Variants in CSMD1 observed in about 807,000 individuals in gnomAD.
CSMD1 encodes CUB and sushi domain-containing protein 1.
In CSMD1, 213 loss-of-function variants were observed where a neutral mutation model predicts 417.5. That is an observed-to-expected ratio of 0.51 (90% CI 0.46 to 0.57). CSMD1 has a LOEUF of 0.57. CSMD1 is among the 20% of genes least tolerant of loss of function. CSMD1 has a pLI of 0.00. For missense variants in CSMD1, 6,923 were observed against 4,529.7 expected (o/e 1.53, Z -15.17); for synonymous variants, 2,862 against 1,736.8 (o/e 1.65, Z -16.11).
chr8:3,010,770 A>G (rs1368030817), intron 52 of CSMD1, among the ~76,000 whole-genome samples: 3 of 148,688 alleles, frequency 2.0e-5, no homozygotes, highest in Non-Finnish European at 4.5e-5. Flanking sequence ...TTGAGATGAA[A>G]TTTTGCTCTG....
intron 2 of CSMD1, among the ~76,000 whole-genome samples, chr8:4,498,834 G>T (rs1802109387): frequency 6.6e-6 from 1 of 152,032 alleles, no homozygotes; most frequent in South Asian, 2.1e-4. Context: ...GCAGCTAAGG[G>T]TAATTGTCTT....
chr8:4,308,348 G>T (rs541293813), intron 3 of CSMD1, among the ~76,000 whole-genome samples: 5 of 151,998 alleles, frequency 3.3e-5, no homozygotes, highest in Non-Finnish European at 5.9e-5. Flanking sequence ...TTTGTGGTGC[G>T]TGTGCACTGT....
intron 5 of CSMD1, among the ~76,000 whole-genome samples, chr8:3,930,229 G>A (rs1382984622): frequency 6.7e-6 from 1 of 150,144 alleles, no homozygotes; most frequent in Non-Finnish European, 1.5e-5. Flanking sequence ...GTAAAGTAGA[G>A]GTCCTTCTTC....
chr8:4,532,386 A>G (rs1026481495), intron 2 of CSMD1, among the ~76,000 whole-genome samples: 1 of 151,008 alleles, frequency 6.6e-6, no homozygotes, highest in African/African-American at 2.4e-5. Context: ...CAGAAGAGAA[A>G]TCCTGCACCC....
intron 3 of CSMD1, among the ~76,000 whole-genome samples, chr8:4,399,645 C>T (rs1804513000): frequency 6.6e-6 from 1 of 152,054 alleles, no homozygotes; most frequent in Non-Finnish European, 1.5e-5. Context: ...ATGTGAATTT[C>T]AATCAGCACA....
At chr8:3,735,674 T>C (rs1460585200) in intron 6 of CSMD1, among the ~76,000 whole-genome samples, 1 of 152,342 alleles carries the variant, frequency 6.6e-6, no homozygotes, top group East Asian at 1.9e-4. Context: ...TGGGCTGCCC[T>C]CTGGAGAGGC....
intron 5 of CSMD1, among the ~76,000 whole-genome samples, chr8:3,825,116 T>C (rs1446617997): frequency 6.6e-6 from 1 of 151,924 alleles, no homozygotes; most frequent in Non-Finnish European, 1.5e-5. Flanking sequence ...TCGAGGAAAA[T>C]GATTTGAAAG....
intron 5 of CSMD1, among the ~76,000 whole-genome samples, chr8:3,765,296 T>A (rs1563056781): frequency 1.3e-5 from 2 of 152,184 alleles, no homozygotes; most frequent in African/African-American, 4.8e-5. Context: ...GACTCACTTT[T>A]GCCTGTGTAA....
intron 50 of CSMD1, among the ~76,000 whole-genome samples, chr8:3,046,356 G>C (rs904373698): frequency 1.4e-4 from 21 of 152,092 alleles, no homozygotes; most frequent in African/African-American, 4.6e-4. Flanking sequence ...GGAGATACCT[G>C]TACGCCTCCT....
intron 54 of CSMD1, among the ~76,000 whole-genome samples, chr8:2,990,866 C>G (rs563848384): frequency 6.6e-6 from 1 of 152,330 alleles, no homozygotes; most frequent in African/African-American, 2.4e-5. Flanking sequence ...AACTTCGCAT[C>G]TGTTAGCTGA....
chr8:2,963,241 T>G lies in CSMD1; in HGVS notation c.9435A>C (p.Gly3145=). 1 of 1,613,850 alleles carries G rather than the reference T, an allele frequency of 6.2e-7. No homozygotes were observed. The highest frequency in any genetic ancestry group is 8.5e-7 in the Non-Finnish European group (1 of 1,179,840). The change falls in exon 60 of 70, where the codon GGA becomes GGC. Residue 3145 remains glycine, a synonymous_variant. Coordinates refer to ENST00000635120, the MANE Select transcript of CSMD1 (RefSeq NM_033225.6). ...ACTTACGGAGACACTGGGGGATCTC[T>G]CCTTTCCACACCCCGCGACCTTCAC... ...LSCEGRGVWK[G]EIPQCLPVFC... is the part of the protein sequence containing the mutation.
intron 8 of CSMD1, among the ~76,000 whole-genome samples, chr8:3,602,146 C>G (rs896306058): frequency 1.3e-5 from 2 of 152,152 alleles, no homozygotes; most frequent in Non-Finnish European, 2.9e-5. Flanking sequence ...ATGCTAAATT[C>G]TATATTATGT....
At chr8:3,518,850 C>T (rs1797387656) in intron 10 of CSMD1, among the ~76,000 whole-genome samples, 1 of 152,098 alleles carries the variant, frequency 6.6e-6, no homozygotes, top group Admixed American at 6.6e-5. Flanking sequence ...TTCACATCGC[C>T]AGTCATACTA....
chr8:3,668,830 T>G (rs544256410), intron 7 of CSMD1, among the ~76,000 whole-genome samples: 1 of 152,180 alleles, frequency 6.6e-6, no homozygotes, highest in Non-Finnish European at 1.5e-5. Flanking sequence ...AGTAAAGTTA[T>G]AGAATGAACA....
intron 1 of CSMD1, among the ~76,000 whole-genome samples, chr8:4,813,910 T>C (rs569647899): frequency 3.0e-4 from 46 of 152,232 alleles, no homozygotes; most frequent in Non-Finnish European, 5.6e-4. Flanking sequence ...CAATCTACTC[T>C]AAATTTCTTA....
intron 19 of CSMD1, 133 bp downstream of exon 19, chr8:3,369,119 TAA>T: frequency 3.7e-6 from 2 of 538,744 alleles, no homozygotes; most frequent in Non-Finnish European, 6.6e-6. Flanking sequence ...TATTAAATAA[TAA>T]GTTAAAATCT....
At chr8:4,785,423 A>G (rs992702028) in intron 1 of CSMD1, among the ~76,000 whole-genome samples, 3 of 152,150 alleles carry the variant, frequency 2.0e-5, no homozygotes, top group African/African-American at 4.8e-5. Context: ...AAATGCCCCC[A>G]CAGTGGGTTA....
intron 10 of CSMD1, among the ~76,000 whole-genome samples, chr8:3,556,547 CA>C (rs1799160525): frequency 3.5e-5 from 2 of 56,564 alleles, no homozygotes; most frequent in South Asian, 5.8e-4. Flanking sequence ...CACACACACA[CA>C]CACCCTCTCT....
intron 2 of CSMD1, among the ~76,000 whole-genome samples, chr8:4,552,069 T>C (rs1008637007): frequency 2.6e-5 from 4 of 152,192 alleles, no homozygotes; most frequent in Non-Finnish European, 4.4e-5. Flanking sequence ...TTATTGTCAA[T>C]TGAATGAAAT....
Sources: allele counts gnomAD v4.1 joint callset (sites outside exome capture counted in the v4.1 genomes callset), GRCh38; gene constraint gnomAD v4.1.1; transcripts MANE v1.5; gene names NCBI Gene and HGNC (gene_info 2026-07-23, HGNC 2026-07-21).